CDC6: variants seen among roughly 807,000 people sequenced by gnomAD.
CDC6 encodes DNA replication factor CDC6.
A neutral mutation model predicts 60.2 loss-of-function variants in CDC6; 46 were observed. The observed-to-expected ratio is 0.76, with a 90% confidence interval of 0.60 to 0.98. The LOEUF (loss-of-function observed/expected upper bound fraction) is 0.98, where lower values mean the gene tolerates loss of function less well. CDC6 is among the 50% of genes least tolerant of loss of function. The pLI is 0.00. For synonymous variants in CDC6, 210 were observed against 233.2 expected, an observed-to-expected ratio of 0.90 and a Z score of 0.90; for missense variants, 596 against 652.9, an observed-to-expected ratio of 0.91 and a Z score of 0.95.
intron 6 of CDC6, 129 bp from the exon 7 acceptor site, chr17:40,294,235 G>A (rs2032823377): frequency 2.2e-6 from 2 of 893,784 alleles, no homozygotes; most frequent in Non-Finnish European, 3.7e-6. Context: ...GGATGGGGTA[G>A]GAGACAAGTG....
intron 4 of CDC6, among the ~76,000 whole-genome samples, chr17:40,293,249 A>G (rs749424709): frequency 2.2e-4 from 33 of 152,224 alleles, no homozygotes; most frequent in South Asian, 4.1e-4. Flanking sequence ...AAAGAAAAAA[A>G]AAAGAAAGAA....
At chr17:40,301,433 T>C (rs763064910) in intron 10 of CDC6, 35 bp from the exon 11 acceptor site, 1 of 1,612,254 alleles carries the variant, frequency 6.2e-7, no homozygotes, top group East Asian at 2.2e-5. Context: ...AATGTGACTT[T>C]TAAGCAGCGT....
At position 40,294,024 on chromosome 17, in the gene CDC6, C is replaced by T. The variant is rs2032818356; in HGVS notation, c.911C>T (p.Pro304Leu). ...QDVLYTLFEW[P>L]WLSNSHLVLI... is the part of the protein sequence containing the mutation. ...GTATTGTACACGCTATTTGAATGGC[C>T]ATGGCTAAGCAATTCTCACTTGGTG... is the stretch of plus-strand genomic sequence containing the variant. The change falls in exon 6 of 12, where the codon CCA (proline) becomes CTA (leucine). Residue 304 changes from proline to leucine, a missense_variant. Pro to Leu is a moderately conservative substitution (Grantham distance 98). Coordinates refer to ENST00000209728, the MANE Select transcript of CDC6 (RefSeq NM_001254.4). 2.5e-6 allele frequency: 4 copies of T among 1,613,754 alleles called. No homozygotes were observed. The highest frequency in any genetic ancestry group is 2.2e-5 in the East Asian group (1 of 44,872).
intron 10 of CDC6, 150 bp from the exon 11 acceptor site, chr17:40,301,318 A>G (rs1397652469): frequency 2.8e-5 from 23 of 811,958 alleles, no homozygotes; most frequent in Non-Finnish European, 4.3e-5. Context: ...GAATATCTAC[A>G]GAAGCCTGTT....
intron 8 of CDC6, 76 bp from the exon 9 acceptor site, chr17:40,296,627 T>G: frequency 1.2e-6 from 1 of 823,336 alleles, no homozygotes; most frequent in Non-Finnish European, 2.1e-6. Context: ...GTCATTAATG[T>G]GCCGCTTTTG....
intron 9 of CDC6, 94 bp from the exon 10 acceptor site, chr17:40,300,734 C>T (rs1377372423): frequency 1.0e-6 from 1 of 997,340 alleles, no homozygotes; most frequent in Non-Finnish European, 1.6e-6. Flanking sequence ...ACTTGAATTT[C>T]CTTTAGCTCA....
rs188217621 is a variant in CDC6 at position 40,291,085 on chromosome 17, A to G, written c.206A>G (p.His69Arg). Reference protein sequence around the residue: ...LGDDNLCNTPHLPPCSPPKQG... With the variant: ...LGDDNLCNTPRLPPCSPPKQG... ...GATGACAACCTATGCAACACTCCCC[A>G]TTTACCTCCTTGTTCTCCACCAAAG... The change falls in exon 3 of 12, where the codon CAT becomes CGT. Residue 69 changes from histidine to arginine, a missense_variant. By Grantham distance (29) the His-to-Arg change is conservative. Coordinates refer to ENST00000209728, the MANE Select transcript of CDC6 (RefSeq NM_001254.4). 291 of 1,614,086 alleles carry G rather than the reference A, an allele frequency of 1.8e-4. 4 individuals are homozygous for G. In the East Asian group the frequency reaches 6.3e-3, roughly 35 times the overall value.
chr17:40,301,091 G>T (rs4135029), intron 10 of CDC6, 61 bp downstream of exon 10: 26,136 of 1,212,132 alleles, frequency 0.022, 392 homozygotes, highest in Middle Eastern at 0.068. Context: ...TGCAGAGCAG[G>T]TATTTTCCAA....
chr17:40,302,310 C>CCTG lies in CDC6; in HGVS notation c.*309_*310insCTG. On this transcript the variant is annotated 3_prime_UTR_variant, in exon 12 of 12. Coordinates refer to ENST00000209728, the MANE Select transcript of CDC6 (RefSeq NM_001254.4). ...TGTAGAGGAATGTGTGTATATTTACCTCTTCGTTTGCTCAAACATGAGTGG... is the reference window on the plus strand; with the variant it reads ...TGTAGAGGAATGTGTGTATATTTACCCTGTCTTCGTTTGCTCAAACATGAGTGG... 3.1e-6 allele frequency: 1 copy of CCTG among 325,656 alleles called. No individual in the cohort carries two copies. Among genetic ancestry groups the CCTG allele is most frequent in the African/African-American group, 2.1e-5 (1 of 46,540 alleles). The allele number at this position is 325,656 out of a possible 1,614,324, so 20.2% of individuals were successfully genotyped here. A position where few individuals can be genotyped will look rare whatever the true frequency, so the allele number is the denominator to read the frequency against.
At chr17:40,289,812 G>T (rs934910555) in intron 2 of CDC6, among the ~76,000 whole-genome samples, 3 of 147,826 alleles carry the variant, frequency 2.0e-5, no homozygotes, top group Non-Finnish European at 4.5e-5. Flanking sequence ...GGGTTCAAGC[G>T]ATTCTCCTGC....
chr17:40,288,137 G>C (rs984315270), intron 1 of CDC6, 47 bp downstream of exon 1: 2 of 153,010 alleles, frequency 1.3e-5, no homozygotes, highest in African/African-American at 4.8e-5. Context: ...TCTGAGGTCG[G>C]GATCAGGGAA....
intron 9 of CDC6, among the ~76,000 whole-genome samples, chr17:40,298,995 C>G (rs2032898013): frequency 6.6e-6 from 1 of 152,014 alleles, no homozygotes; most frequent in Non-Finnish European, 1.5e-5. Flanking sequence ...TGCAGCATCC[C>G]TTTGTGGTAA....
intron 2 of CDC6, among the ~76,000 whole-genome samples, chr17:40,289,966 C>T (rs1301935618): frequency 6.7e-6 from 1 of 150,374 alleles, no homozygotes; most frequent in African/African-American, 2.5e-5. Flanking sequence ...CTCAGGTGAT[C>T]CAACTGCCTC....
intron 11 of CDC6, 115 bp from the exon 12 acceptor site, chr17:40,301,797 T>G: frequency 4.2e-6 from 4 of 942,592 alleles, no homozygotes; most frequent in Non-Finnish European, 6.8e-6. Context: ...GAAAAAAAAG[T>G]GTTTAACTTG....
At chr17:40,301,856 A>G in intron 11 of CDC6, 56 bp from the exon 12 acceptor site, 2 of 1,174,378 alleles carry the variant, frequency 1.7e-6, no homozygotes, top group Non-Finnish European at 2.6e-6. Context: ...TTGTATACTG[A>G]CAACTTTGCT....
intron 9 of CDC6, among the ~76,000 whole-genome samples, chr17:40,298,901 G>C (rs2032896697): frequency 6.6e-6 from 1 of 152,066 alleles, no homozygotes; most frequent in African/African-American, 2.4e-5. Flanking sequence ...CAGTGGATAG[G>C]GAGTAAAAAT....
At position 40,300,889 on chromosome 17, in the gene CDC6, C is replaced by A. The variant is rs776258841; in HGVS notation, c.1311C>A (p.Val437=). 9 of 1,613,932 alleles carry A rather than the reference C, an allele frequency of 5.6e-6. No homozygotes were observed. In the Admixed American group the frequency reaches 1.5e-4, roughly 27 times the overall value. Residue 437 remains valine, a synonymous_variant, in exon 10 of 12, where the codon GTC becomes GTA. Coordinates refer to ENST00000209728, the MANE Select transcript of CDC6 (RefSeq NM_001254.4). ...KRVGLIHISQ[V]ISEVDGNRMT... ...TTGGTCTTATTCACATATCCCAAGTCATCTCAGAAGTTGATGGTAACAGGA... is the reference window on the plus strand; with the variant it reads ...TTGGTCTTATTCACATATCCCAAGTAATCTCAGAAGTTGATGGTAACAGGA...
chr17:40,291,391 G>T, intron 3 of CDC6, 52 bp downstream of exon 3: 1 of 1,611,586 alleles, frequency 6.2e-7, no homozygotes, highest in South Asian at 1.1e-5. Flanking sequence ...CAAGGCTGAT[G>T]ACTCCAAATG....
rs1274662474 is a variant in CDC6, at chr17:40,303,614, ATGT to A, written c.*1618_*1620del. Reference sequence around the variant, plus strand: ...TGATAGTCTGTAGGCATGAGTCTGAATGTTGTTCTCACACTCCTTTACTAGAGT... The same window carrying A: ...TGATAGTCTGTAGGCATGAGTCTGAATGTTCTCACACTCCTTTACTAGAGT... On this transcript the variant is annotated 3_prime_UTR_variant, in exon 12 of 12. Coordinates refer to ENST00000209728, the MANE Select transcript of CDC6 (RefSeq NM_001254.4). The A allele has an allele frequency of 6.6e-6, 1 of 152,200 alleles. No individual in the cohort carries two copies. Among genetic ancestry groups the A allele is most frequent in the East Asian group, 1.9e-4 (1 of 5,202 alleles). The allele number at this position is 152,200 out of a possible 1,614,324, so 9.4% of individuals were successfully genotyped here.
Sources: gnomAD v4.1 joint callset for allele counts (sites outside exome capture counted in the v4.1 genomes callset) on GRCh38, gnomAD v4.1.1 for gene constraint, MANE v1.5 for transcripts, NCBI Gene and HGNC (gene_info 2026-07-23, HGNC 2026-07-21) for gene names.